Variants in CADPS observed in about 807,000 individuals in gnomAD.
CADPS encodes the protein calcium-dependent secretion activator 1.
A neutral mutation model predicts 167.3 loss-of-function variants in CADPS; 57 were observed. The observed-to-expected ratio is 0.34, with a 90% CI of 0.28 to 0.42. CADPS has a LOEUF of 0.42. Among genes scored for constraint, CADPS ranks in the 20% least tolerant of loss-of-function variants. CADPS has a pLI of 1.00. For missense variants in CADPS, 1,414 were observed against 1,738.1 expected, an observed-to-expected ratio of 0.81 and a Z score of 3.32; for synonymous variants, 676 against 635.3, an observed-to-expected ratio of 1.06 and a Z score of -0.96.
At chr3:62,809,223 A>T (rs542047200) in intron 1 of CADPS, among the ~76,000 whole-genome samples, 23 of 152,152 alleles carry the variant, frequency 1.5e-4, no homozygotes, top group East Asian at 1.9e-4. Context: ...TTTAAAAAAA[A>T]ATATATTGAA....
chr3:62,698,903 C>G (rs1387303567), intron 3 of CADPS, among the ~76,000 whole-genome samples: 2 of 151,356 alleles, frequency 1.3e-5, no homozygotes, highest in Non-Finnish European at 2.9e-5. Flanking sequence ...CCATGCCCAG[C>G]TATTTTTTTT....
Position 62,438,118 on chromosome 3 carries a change from C to A in CADPS, c.3763G>T (p.Glu1255Ter). The A allele has an allele frequency of 6.2e-7, 1 of 1,611,864 alleles. No homozygotes were observed. The highest frequency in any genetic ancestry group is 8.5e-7 in the Non-Finnish European group (1 of 1,178,286). The change falls in exon 28 of 30, where the codon GAA becomes TAA. Residue 1255 changes from glutamate to a stop codon, truncating the protein, a stop_gained. Coordinates refer to ENST00000383710, the MANE Select transcript of CADPS (RefSeq NM_003716.4). LOFTEE classifies it high-confidence loss of function. This position sits in a 1 kb window ranked among gnomAD's most constrained non-coding sequence, Gnocchi z 4.7. ...CATTTACTTACATCAAATAACCTTT[C>A]TATGTACATCTCCTCATTGACCTTA... is the stretch of plus-strand genomic sequence containing the variant. ...RDKVNEEMYI[E>*]RLFDQWYNSS...
chr3:62,584,759 G>A (rs1237088838), intron 8 of CADPS, among the ~76,000 whole-genome samples: 2 of 152,174 alleles, frequency 1.3e-5, no homozygotes, highest in African/African-American at 4.8e-5. Flanking sequence ...TATATTAAAT[G>A]TGAGTTGATT....
chr3:62,581,450 A>T (rs907468196), intron 8 of CADPS, among the ~76,000 whole-genome samples: 4 of 72,540 alleles, frequency 5.5e-5, no homozygotes, highest in Non-Finnish European at 1.1e-4. Context: ...TTAGAAAATT[A>T]AAAAAAAAAA....
At chr3:62,543,545 A>C (rs1327230101) in intron 11 of CADPS, among the ~76,000 whole-genome samples, 1 of 152,146 alleles carries the variant, frequency 6.6e-6, no homozygotes, top group Non-Finnish European at 1.5e-5. Flanking sequence ...CAAGAAAAGT[A>C]AAGTCAAATT....
intron 1 of CADPS, among the ~76,000 whole-genome samples, chr3:62,791,170 A>G (rs1419564789): frequency 6.6e-6 from 1 of 152,182 alleles, no homozygotes; most frequent in Non-Finnish European, 1.5e-5. Flanking sequence ...TTCTTTTCCT[A>G]TACACACTGA....
rs1035187188 is a variant in CADPS, at chr3:62,753,845, C to T, written c.556-72G>A. ...GAGGTACCAGTTCCCTGGGGCTGGA[C>T]ACTGGGCCAGTCCACCTCACGTGCA... is the stretch of plus-strand genomic sequence containing the variant. On this transcript the variant is annotated intron_variant, in intron 2 of 29. Transcript: ENST00000383710. This position sits in a 1 kb window ranked among gnomAD's most constrained non-coding sequence, Gnocchi z 4.6. 2.1e-6 allele frequency: 3 copies of T among 1,421,380 alleles called. No homozygotes were observed. Among genetic ancestry groups the T allele is most frequent in the Non-Finnish European group, 2.9e-6 (3 of 1,046,396 alleles). 88.0% of individuals were successfully genotyped at this position (1,421,380 alleles called of 1,614,324 possible). A position where few individuals can be genotyped will look rare whatever the true frequency, so the allele number is the denominator to read the frequency against.
At position 62,602,093 on chromosome 3, in the gene CADPS, A is replaced by T. The variant is rs1239647620; in HGVS notation, c.1326-9345T>A. 6.6e-6 allele frequency among the ~76,000 whole-genome samples: 1 copy of T among 152,184 alleles called. No homozygotes were observed. Among genetic ancestry groups the T allele is most frequent in the African/African-American group, 2.4e-5 (1 of 41,422 alleles). ...GAATTTTTCCCCCCATGAACAAAAA[A>T]CAACATTTGCCACATAGGGAATATA... On this transcript the variant is annotated intron_variant, in intron 6 of 29. Coordinates refer to ENST00000383710, the MANE Select transcript of CADPS (RefSeq NM_003716.4). This position sits in a 1 kb window ranked among gnomAD's most constrained non-coding sequence, Gnocchi z 4.4.
At chr3:62,445,162 C>T (rs775893492) in intron 27 of CADPS, among the ~76,000 whole-genome samples, 83 of 152,236 alleles carry the variant, frequency 5.5e-4, no homozygotes, top group Middle Eastern at 3.4e-3. Flanking sequence ...TGGGAAACTT[C>T]GAGTGCTTTA....
At chr3:62,663,306 T>G (rs1579936468) in intron 3 of CADPS, among the ~76,000 whole-genome samples, 1 of 152,286 alleles carries the variant, frequency 6.6e-6, no homozygotes, top group East Asian at 1.9e-4. Context: ...TATATTCTAA[T>G]AGAATTTTAT....
intron 16 of CADPS, among the ~76,000 whole-genome samples, chr3:62,513,137 G>A (rs2068210071): frequency 6.6e-6 from 1 of 152,088 alleles, no homozygotes; most frequent in Non-Finnish European, 1.5e-5. Flanking sequence ...GCTTGATAGA[G>A]AACAGACAGG....
intron 5 of CADPS, among the ~76,000 whole-genome samples, chr3:62,650,061 C>T (rs1204203965): frequency 6.6e-6 from 1 of 152,158 alleles, no homozygotes; most frequent in African/African-American, 2.4e-5. Context: ...AATCTTTGTG[C>T]AGACATGTGT....
intron 3 of CADPS, among the ~76,000 whole-genome samples, chr3:62,731,497 T>A (rs2077786129): frequency 6.6e-6 from 1 of 152,122 alleles, no homozygotes; most frequent in South Asian, 2.1e-4. Context: ...TTGTGGTTAA[T>A]AACTTGTACC....
intron 4 of CADPS, among the ~76,000 whole-genome samples, chr3:62,660,363 G>T (rs981773841): frequency 6.6e-6 from 1 of 152,170 alleles, no homozygotes; most frequent in Admixed American, 6.5e-5. Context: ...TTTTACAGGA[G>T]AAGTAAATTC....
chr3:62,794,606 G>A (rs1461702961), intron 1 of CADPS, among the ~76,000 whole-genome samples: 1 of 151,954 alleles, frequency 6.6e-6, no homozygotes, highest in African/African-American at 2.4e-5. Context: ...GTAAATATTA[G>A]CTATTCTTGT....
At chr3:62,448,078 A>G in intron 26 of CADPS, among the ~76,000 whole-genome samples, 1 of 152,200 alleles carries the variant, frequency 6.6e-6, no homozygotes, top group East Asian at 1.9e-4. Context: ...CACAGACAGG[A>G]GGCAGAGAAG....
chr3:62,791,303 T>C (rs1302784768), intron 1 of CADPS, among the ~76,000 whole-genome samples: 1 of 152,190 alleles, frequency 6.6e-6, no homozygotes, highest in African/African-American at 2.4e-5. Context: ...ATATGACTAG[T>C]GTGAATGAAG....
In CADPS at chr3:62,399,356, C is replaced by T. The variant is rs1403347147; in HGVS notation, c.*50G>A. On this transcript the variant is annotated 3_prime_UTR_variant, in exon 30 of 30. Coordinates refer to ENST00000383710, the MANE Select transcript of CADPS (RefSeq NM_003716.4). This position sits in a 1 kb window ranked among gnomAD's most constrained non-coding sequence, Gnocchi z 5.6. The stretch of plus-strand genomic sequence containing the variant: ...ATGGGTTTAACTAACAGACTAAGGA[C>T]ATGCACTGATTACAGGACTCTGTCC... The T allele has an allele frequency of 3.2e-6, 5 of 1,565,428 alleles. No individual in the cohort carries two copies. Among genetic ancestry groups the T allele is most frequent in the Non-Finnish European group, 4.4e-6 (5 of 1,137,612 alleles).
intron 12 of CADPS, among the ~76,000 whole-genome samples, chr3:62,535,796 A>C (rs1488325093): frequency 1.3e-5 from 2 of 152,142 alleles, no homozygotes; most frequent in Admixed American, 1.3e-4. Flanking sequence ...CACTCCCTTG[A>C]ATTTAAATCA....
Sources: gnomAD v4.1 joint callset for allele counts (sites outside exome capture counted in the v4.1 genomes callset) on GRCh38, gnomAD v4.1.1 for gene constraint, Gnocchi (gnomAD v3.1) non-coding constraint, MANE v1.5 for transcripts, NCBI Gene and HGNC (gene_info 2026-07-23, HGNC 2026-07-21) for gene names.